The following WDR36 variants were observed in gnomAD, a reference collection of about 807,000 sequenced individuals.
The protein encoded by WDR36 is WD repeat-containing protein 36.
A neutral mutation model predicts 112.7 loss-of-function variants in WDR36; 63 were observed. That is an observed-to-expected ratio of 0.56 (90% CI 0.46 to 0.69). The LOEUF is 0.69. Among genes scored for constraint, WDR36 ranks in the 30% least tolerant of loss-of-function variants. The pLI, the probability that WDR36 is intolerant of heterozygous loss-of-function variation, is 0.00. For synonymous variants in WDR36, 410 were observed against 362.2 expected (o/e 1.13, Z -1.50); for missense variants, 1,226 against 1,070.3 (o/e 1.15, Z -2.03).
intron 17 of WDR36, 21 bp downstream of exon 17, chr5:111,119,141 C>G (rs775533741): frequency 1.4e-4 from 225 of 1,567,624 alleles, no homozygotes; most frequent in Non-Finnish European, 1.9e-4. Flanking sequence ...TCATACAGTT[C>G]TGTTTTGGGA....
At chr5:111,122,828 C>A (rs1039134188) in intron 19 of WDR36, among the ~76,000 whole-genome samples, 1 of 152,124 alleles carries the variant, frequency 6.6e-6, no homozygotes, top group Non-Finnish European at 1.5e-5. Context: ...ATCAAATGTT[C>A]CTGAGAGGTG....
Position 111,097,174 on chromosome 5 carries a change from A to G in WDR36, c.286A>G (p.Lys96Glu). 1 of 1,612,364 alleles carries G rather than the reference A, an allele frequency of 6.2e-7. No homozygotes were observed. Among genetic ancestry groups the G allele is most frequent in the Non-Finnish European group, 8.5e-7 (1 of 1,178,720 alleles). The change falls in exon 3 of 23, where the codon AAA becomes GAA. Residue 96 changes from lysine to glutamate, a missense_variant. Transcript: ENST00000513710. ...TGTTTTCTCTGCATTTGCCCGTAATAAAGAGGTTGGTATCGCTAAACTACT... is the reference window on the plus strand; with the variant it reads ...TGTTTTCTCTGCATTTGCCCGTAATGAAGAGGTTGGTATCGCTAAACTACT... Reference protein sequence around the residue: ...GNVFSAFARNKEIVHTFKGHK... With the variant: ...GNVFSAFARNEEIVHTFKGHK...
rs1457471870 is a variant in WDR36 at position 111,123,320 on chromosome 5, T to G, written c.2149-485T>G. On this transcript the variant is annotated intron_variant, in intron 19 of 22. Transcript: ENST00000513710. ...AAATAGAAAAATTAGAGCTGTACTTTGAAAGGAAATTATCAAATTACTTAT... is the reference window on the plus strand; with the variant it reads ...AAATAGAAAAATTAGAGCTGTACTTGGAAAGGAAATTATCAAATTACTTAT... 2.6e-5 allele frequency among the ~76,000 whole-genome samples: 4 copies of G among 152,168 alleles called. No individual in the cohort carries two copies. In the South Asian group the frequency reaches 8.3e-4, roughly 32 times the overall value.
chr5:111,094,812 G>A, intron 1 of WDR36, 108 bp from the exon 2 acceptor site: 1 of 886,106 alleles, frequency 1.1e-6, no homozygotes, highest in South Asian at 1.6e-5. Flanking sequence ...TTCTTATGAA[G>A]GACAGCATAG....
At chr5:111,121,705 A>G (rs1753569924) in intron 19 of WDR36, among the ~76,000 whole-genome samples, 1 of 152,162 alleles carries the variant, frequency 6.6e-6, no homozygotes, top group African/African-American at 2.4e-5. Context: ...TCCTTGAGGA[A>G]TTTATGATTC....
chr5:111,098,889 A>G, intron 4 of WDR36, 50 bp downstream of exon 4: 6 of 1,294,182 alleles, frequency 4.6e-6, no homozygotes, highest in Non-Finnish European at 4.5e-6. Context: ...TATGTGTTTA[A>G]TTAAAATTTA....
Position 111,111,371 on chromosome 5 carries a change from G to C in WDR36, c.1716+93G>C, listed in dbSNP as rs1335911982. On this transcript the variant is annotated intron_variant, in intron 15 of 22. Coordinates refer to ENST00000513710, the MANE Select transcript of WDR36 (RefSeq NM_139281.3). ...TAGCCTTAAAATCATTATATGAGGT[G>C]GTTATCAATTTTAATTTGCAGGCTA... is the stretch of plus-strand genomic sequence containing the variant. 14 of 995,946 alleles carry C rather than the reference G, an allele frequency of 1.4e-5. No homozygotes were observed. The Admixed American group carries it at 2.6e-4, about 18-fold the overall frequency. 61.7% of individuals were successfully genotyped at this position (995,946 alleles called of 1,614,324 possible).
rs1348888271 is a variant in WDR36 at position 111,107,285 on chromosome 5, A to G, written c.1181-9A>G. 1 of 1,608,318 alleles carries G rather than the reference A, an allele frequency of 6.2e-7. No homozygotes were observed. The highest frequency in any genetic ancestry group is 1.3e-5 in the African/African-American group (1 of 74,640). On this transcript the variant is annotated splice_polypyrimidine_tract_variant and intron_variant, in intron 11 of 22. Transcript: ENST00000513710. ...AGTAATTTGATTTATGATTTTCATT[A>G]CGTTTTAGAGGAAGCTCGTGAAAGT... is the stretch of plus-strand genomic sequence containing the variant.
intron 6 of WDR36, 31 bp downstream of exon 6, chr5:111,102,430 A>T (rs763076236): frequency 3.8e-6 from 6 of 1,597,302 alleles, no homozygotes; most frequent in Non-Finnish European, 3.4e-6. Flanking sequence ...TCAAAGAGGA[A>T]CAAAGTTAAT....
intron 16 of WDR36, among the ~76,000 whole-genome samples, chr5:111,113,597 TTAGA>T (rs1322727812): frequency 6.6e-6 from 1 of 152,126 alleles, no homozygotes. Context: ...AGAAGGCATT[TTAGA>T]TAGTCTTAGT....
rs1393447088 is a variant in WDR36, at chr5:111,104,866, G to A, written c.1027+49G>A. Reference sequence around the variant, plus strand: ...AGTTTATTTCAGCAAGTATTGAGATGTGGGTGCCCAGTATGAGGTTTGATA... The same window carrying A: ...AGTTTATTTCAGCAAGTATTGAGATATGGGTGCCCAGTATGAGGTTTGATA... On this transcript the variant is annotated intron_variant, in intron 9 of 22. Transcript: ENST00000513710. 7 of 1,608,076 alleles carry A rather than the reference G, an allele frequency of 4.4e-6. No individual in the cohort carries two copies. The East Asian group carries it at 6.7e-5, about 15-fold the overall frequency.
At chr5:111,112,324 C>G (rs1753358366) in intron 15 of WDR36, among the ~76,000 whole-genome samples, 1 of 151,940 alleles carries the variant, frequency 6.6e-6, no homozygotes. Flanking sequence ...ATCATTCTTT[C>G]CCATCCTTTA....
rs1337612048 is a variant in WDR36 at position 111,126,703 on chromosome 5, A to T, written c.2539-31A>T. On this transcript the variant is annotated intron_variant, in intron 22 of 22. Transcript: ENST00000513710. ...GATTAGGTAAAATTTTAATTTTCTT[A>T]AATGTTCAATCATCATATTTTTCTT... is the stretch of plus-strand genomic sequence containing the variant. 1.9e-6 allele frequency: 3 copies of T among 1,609,870 alleles called. No individual in the cohort carries two copies. In the African/African-American group the frequency reaches 4.0e-5, roughly 22 times the overall value.
chr5:111,110,493 TAAAG>T (rs1240713116), intron 13 of WDR36, among the ~76,000 whole-genome samples, 190 bp downstream of exon 13: 3 of 151,618 alleles, frequency 2.0e-5, no homozygotes, highest in Non-Finnish European at 4.4e-5. Context: ...CATGGGTACT[TAAAG>T]AGTTACGTGG....
intron 2 of WDR36, among the ~76,000 whole-genome samples, chr5:111,095,630 A>C (rs1483347216): frequency 6.6e-6 from 1 of 152,226 alleles, no homozygotes; most frequent in Non-Finnish European, 1.5e-5. Flanking sequence ...GGAAATATTC[A>C]TTGGAACATT....
intron 15 of WDR36, among the ~76,000 whole-genome samples, chr5:111,112,289 T>C (rs188638770): frequency 1.1e-4 from 16 of 152,100 alleles, no homozygotes; most frequent in Admixed American, 7.2e-4. Context: ...CTGTGAGCAT[T>C]TATAACATGA....
intron 6 of WDR36, among the ~76,000 whole-genome samples, chr5:111,102,693 T>C (rs1237329425): frequency 6.6e-6 from 1 of 151,706 alleles, no homozygotes; most frequent in Non-Finnish European, 1.5e-5. Flanking sequence ...CATTGTCTTG[T>C]GTAGACTGGA....
chr5:111,126,726 C>T lies in WDR36; in HGVS notation c.2539-8C>T, dbSNP rs1223240401. ...TTAAATGTTCAATCATCATATTTTT[C>T]TTTGCAGTTACACCTTAAAATGCTT... On this transcript the variant is annotated splice_region_variant and splice_polypyrimidine_tract_variant and intron_variant, in intron 22 of 22. Coordinates refer to ENST00000513710, the MANE Select transcript of WDR36 (RefSeq NM_139281.3). 24 of 1,612,830 alleles carry T rather than the reference C, an allele frequency of 1.5e-5. No homozygotes were observed. Among genetic ancestry groups the T allele is most frequent in the Non-Finnish European group, 1.9e-5 (22 of 1,179,410 alleles).
In WDR36 at chr5:111,126,593, T is replaced by G. The variant is rs188117663; in HGVS notation, c.2539-141T>G. On this transcript the variant is annotated intron_variant, in intron 22 of 22. Coordinates refer to ENST00000513710, the MANE Select transcript of WDR36 (RefSeq NM_139281.3). ...AAAAGTTTGATAGAGGAGGGGAAAA[T>G]GGGAGATAGTAATAAACCAGCGCTT... 3.0e-3 allele frequency: 2,718 copies of G among 904,496 alleles called. 7 individuals carry two copies. The highest frequency in any genetic ancestry group is 4.1e-3 in the Non-Finnish European group (2,453 of 591,762). 56.0% of individuals were successfully genotyped at this position (904,496 alleles called of 1,614,324 possible). A position where few individuals can be genotyped will look rare whatever the true frequency, so the allele number is the denominator to read the frequency against.
Sources: allele counts gnomAD v4.1 joint callset (sites outside exome capture counted in the v4.1 genomes callset), GRCh38; gene constraint gnomAD v4.1.1; transcripts MANE v1.5; gene names NCBI Gene and HGNC (gene_info 2026-07-23, HGNC 2026-07-21).